AP4E1: variants seen among roughly 807,000 people sequenced by gnomAD.
AP4E1 encodes adaptor related protein complex 4 subunit epsilon 1.
In AP4E1, 56 loss-of-function variants were observed where a neutral mutation model predicts 128.2. The observed-to-expected ratio is 0.44, with a 90% CI of 0.35 to 0.55. The LOEUF is 0.55. Ranked by LOEUF, AP4E1 falls within the 20% of genes least tolerant of loss-of-function variation. AP4E1 has a pLI of 0.00. For missense variants in AP4E1, 1,324 were observed against 1,307.7 expected (o/e 1.01, Z -0.19); for synonymous variants, 484 against 473.1 (o/e 1.02, Z -0.30).
At chr15:50,986,614 T>C (rs1159090444) in intron 16 of AP4E1, among the ~76,000 whole-genome samples, 3 of 152,216 alleles carry the variant, frequency 2.0e-5, no homozygotes, top group Non-Finnish European at 2.9e-5. Context: ...TTACGTTTAT[T>C]GATTTGTGTA....
At chr15:50,969,022 A>T (rs1016934416) in intron 15 of AP4E1, among the ~76,000 whole-genome samples, 5 of 150,086 alleles carry the variant, frequency 3.3e-5, no homozygotes, top group African/African-American at 1.2e-4. Flanking sequence ...TTTAATTTAC[A>T]CTTTTAAGTT....
At position 50,979,611 on chromosome 15, in the gene AP4E1, A is replaced by C. The variant is rs8034576; in HGVS notation, c.1967-4411A>C. On this transcript the variant is annotated intron_variant, in intron 15 of 20. Transcript: ENST00000261842. ...ATGATCTCGACTCACTGCAACCTCC[A>C]CATCCCAGGTTCAAGCAATTCTCCT... Among the ~76,000 whole-genome samples the C allele has an allele frequency of 5.0e-3, 760 of 152,032 alleles. 11 individuals are homozygous for C. The highest frequency in any genetic ancestry group is 0.018 in the African/African-American group (735 of 41,494).
At position 51,002,823 on chromosome 15, in the gene AP4E1, C is replaced by A; in HGVS notation, c.*161C>A. 1.1e-6 allele frequency: 1 copy of A among 904,040 alleles called. No homozygotes were observed. Among genetic ancestry groups the A allele is most frequent in the Non-Finnish European group, 1.7e-6 (1 of 590,946 alleles). The allele number at this position is 904,040 out of a possible 1,614,324, so 56.0% of individuals were successfully genotyped here. ...GTGATTCCTGGTCAAGAAAGATCCC[C>A]AAAACTGTATCCCTAACCTTTAACT... is the stretch of plus-strand genomic sequence containing the variant. On this transcript the variant is annotated 3_prime_UTR_variant, in exon 21 of 21. Transcript: ENST00000261842.
At chr15:50,969,398 C>G (rs773383288) in intron 15 of AP4E1, among the ~76,000 whole-genome samples, 39 of 152,230 alleles carry the variant, frequency 2.6e-4, no homozygotes, top group South Asian at 6.2e-4. Flanking sequence ...GTTCACTGTG[C>G]TGGTAGGTTG....
At chr15:50,923,596 A>G (rs1469484306) in intron 3 of AP4E1, among the ~76,000 whole-genome samples, 2 of 152,220 alleles carry the variant, frequency 1.3e-5, no homozygotes, top group Non-Finnish European at 2.9e-5. Context: ...AATAGCAATT[A>G]TAAAATAGAG....
intron 3 of AP4E1, among the ~76,000 whole-genome samples, chr15:50,919,657 CAG>C (rs1222870663): frequency 6.6e-6 from 1 of 152,002 alleles, no homozygotes; most frequent in Non-Finnish European, 1.5e-5. Flanking sequence ...AAGGGGATCT[CAG>C]AGTTATTTTT....
Position 51,003,638 on chromosome 15 carries a change from T to A in AP4E1, c.*976T>A, listed in dbSNP as rs2064990381. 6.5e-6 allele frequency: 1 copy of A among 152,674 alleles called. No homozygotes were observed. The highest frequency in any genetic ancestry group is 1.5e-5 in the Non-Finnish European group (1 of 68,040). 9.5% of individuals were successfully genotyped at this position (152,674 alleles called of 1,614,324 possible). On this transcript the variant is annotated 3_prime_UTR_variant, in exon 21 of 21. Transcript: ENST00000261842. ...ATATATCATTTTCATGTTATAGTTATGCCTGTGTGGCCTCTGTCAGAACTA... is the reference window on the plus strand; with the variant it reads ...ATATATCATTTTCATGTTATAGTTAAGCCTGTGTGGCCTCTGTCAGAACTA...
At chr15:50,913,814 T>G (rs2063594848) in intron 2 of AP4E1, among the ~76,000 whole-genome samples, 2 of 152,286 alleles carry the variant, frequency 1.3e-5, no homozygotes, top group Admixed American at 6.5e-5. Flanking sequence ...GTAGCTTTTT[T>G]GGGGGCGGCA....
chr15:50,910,010 G>A (rs185571216), intron 1 of AP4E1, among the ~76,000 whole-genome samples: 1 of 152,154 alleles, frequency 6.6e-6, no homozygotes, highest in Non-Finnish European at 1.5e-5. Flanking sequence ...TTTTAATGAC[G>A]GAGTCTCGCT....
intron 3 of AP4E1, among the ~76,000 whole-genome samples, chr15:50,922,444 C>T (rs1187228758): frequency 6.6e-6 from 1 of 152,136 alleles, no homozygotes; most frequent in Admixed American, 6.6e-5. Context: ...GCTCCTCCGA[C>T]CTCTAGTGAA....
At chr15:50,922,144 T>C (rs919896754) in intron 3 of AP4E1, among the ~76,000 whole-genome samples, 9 of 125,220 alleles carry the variant, frequency 7.2e-5, no homozygotes, top group African/African-American at 2.8e-4. Flanking sequence ...CTGGGTAACA[T>C]AGTGAGACCC....
rs368093157 is a variant in AP4E1, at chr15:50,941,755, G to A, written c.1156G>A (p.Asp386Asn). ...AATAATTGAATGTTTAGATCATCCTGATCCCATTATTAAAAGAGAGGTAAA... is the reference window on the plus strand; with the variant it reads ...AATAATTGAATGTTTAGATCATCCTAATCCCATTATTAAAAGAGAGGTAAA... ...MTIIECLDHPDPIIKRETLEL... is the reference protein window; with the variant it reads ...MTIIECLDHPNPIIKRETLEL... The change falls in exon 10 of 21, where the codon GAT (aspartate) becomes AAT (asparagine). Residue 386 changes from aspartate to asparagine, a missense_variant. Coordinates refer to ENST00000261842, the MANE Select transcript of AP4E1 (RefSeq NM_007347.5). The A allele has an allele frequency of 6.2e-7, 1 of 1,610,256 alleles. No homozygotes were observed. Among genetic ancestry groups the A allele is most frequent in the African/African-American group, 1.3e-5 (1 of 74,770 alleles).
intron 14 of AP4E1, among the ~76,000 whole-genome samples, chr15:50,967,712 C>T (rs1476123411): frequency 6.6e-6 from 1 of 152,206 alleles, no homozygotes; most frequent in East Asian, 1.9e-4. Context: ...TTCTCCACTG[C>T]AGTGAAATTA....
rs571330490 is a variant in AP4E1 at position 50,974,686 on chromosome 15, G to A, written c.1966+6309G>A. On this transcript the variant is annotated intron_variant, in intron 15 of 20. Coordinates refer to ENST00000261842, the MANE Select transcript of AP4E1 (RefSeq NM_007347.5). Reference sequence around the variant, plus strand: ...CTTCACATCCTTCCTGACACGTTATGTTTTCTTTTCTTTGATAATCACCAT... The same window carrying A: ...CTTCACATCCTTCCTGACACGTTATATTTTCTTTTCTTTGATAATCACCAT... Among the ~76,000 whole-genome samples the A allele has an allele frequency of 1.4e-3, 209 of 152,212 alleles. 1 individual carries two copies. The highest frequency in any genetic ancestry group is 5.0e-3 in the African/African-American group (207 of 41,534).
chr15:50,982,544 C>T (rs1184077985), intron 15 of AP4E1, among the ~76,000 whole-genome samples: 1 of 152,154 alleles, frequency 6.6e-6, no homozygotes, highest in Admixed American at 6.6e-5. Context: ...GTGAAGTAAG[C>T]TTGATCCTTG....
At chr15:50,913,246 ATGTT>A (rs2063585779) in intron 2 of AP4E1, among the ~76,000 whole-genome samples, 2 of 152,324 alleles carry the variant, frequency 1.3e-5, no homozygotes, top group South Asian at 4.1e-4. Context: ...ATGTATATGT[ATGTT>A]TGTGTGTATA....
intron 19 of AP4E1, among the ~76,000 whole-genome samples, chr15:51,000,141 C>CT (rs11383470): frequency 0.8 from 96,713 of 120,796 alleles, 39,233 homozygotes; most frequent in East Asian, 0.99. Flanking sequence ...TTTGTTCATT[C>CT]TTTTTTTTTT....
chr15:50,926,776 G>C (rs1201959996), intron 5 of AP4E1, among the ~76,000 whole-genome samples: 1 of 151,894 alleles, frequency 6.6e-6, no homozygotes, highest in Non-Finnish European at 1.5e-5. Context: ...TGTTTTAGTA[G>C]AGACAGTGTT....
chr15:50,964,886 T>C (rs2140888276), intron 14 of AP4E1, among the ~76,000 whole-genome samples: 1 of 151,500 alleles, frequency 6.6e-6, no homozygotes, highest in East Asian at 1.9e-4. Flanking sequence ...CATGGCTTGG[T>C]GCTGTCCTCG....
Sources: gnomAD v4.1 joint callset for allele counts (sites outside exome capture counted in the v4.1 genomes callset) on GRCh38, gnomAD v4.1.1 for gene constraint, MANE v1.5 for transcripts, NCBI Gene and HGNC (gene_info 2026-07-23, HGNC 2026-07-21) for gene names.